Variants in DMBT1 observed in about 807,000 individuals in gnomAD.
DMBT1 encodes the protein deleted in malignant brain tumors 1, also known as scavenger receptor cysteine-rich domain-containing protein DMBT1.
Under a neutral mutation model 252.9 loss-of-function variants are expected in DMBT1, and 198 were observed. That is an observed-to-expected ratio of 0.78 (90% CI 0.70 to 0.88). DMBT1 has a LOEUF of 0.88. Among genes scored for constraint, DMBT1 ranks in the 40% least tolerant of loss-of-function variants. DMBT1 has a pLI of 0.00. For synonymous variants in DMBT1, 990 were observed against 942.7 expected, an observed-to-expected ratio of 1.05 and a Z score of -0.92; for missense variants, 2,432 against 2,404.7, an observed-to-expected ratio of 1.01 and a Z score of -0.24.
At chr10:122,626,733 C>T (rs2098121689) in intron 46 of DMBT1, among the ~76,000 whole-genome samples, 1 of 152,174 alleles carries the variant, frequency 6.6e-6, no homozygotes, top group Non-Finnish European at 1.5e-5. Context: ...TTATTTTGTA[C>T]ACAACAAACT....
intron 54 of DMBT1, among the ~76,000 whole-genome samples, chr10:122,638,995 C>T (rs953437631): frequency 6.6e-6 from 1 of 152,232 alleles, no homozygotes; most frequent in Non-Finnish European, 1.5e-5. Flanking sequence ...AAGCCACTTG[C>T]CCAGAACCAT....
rs560224220 is a variant in DMBT1, at chr10:122,576,450, A to G, written c.335A>G (p.Gln112Arg). Residue 112 changes from glutamine to arginine, a missense_variant, in exon 7 of 56, where the codon CAG (glutamine) becomes CGG (arginine). Around this residue, in one of 3 missense-constraint regions of DMBT1, gnomAD observed 1,264 missense variants for 1,082.2 expected, o/e 1.17. Transcript: ENST00000338354. ...LRLVNGDGRC[Q>R]GRVEILYRGS... is the part of the protein sequence containing the mutation. ...CTGGTGAATGGAGATGGCAGGTGTCAGGGCCGAGTGGAGATCCTATACCGA... is the reference window on the plus strand; with the variant it reads ...CTGGTGAATGGAGATGGCAGGTGTCGGGGCCGAGTGGAGATCCTATACCGA... 1.3e-4 allele frequency: 211 copies of G among 1,613,722 alleles called. 4 individuals carry two copies. The South Asian group carries it at 2.2e-3, about 17-fold the overall frequency.
intron 54 of DMBT1, 55 bp downstream of exon 54, chr10:122,637,367 T>G: frequency 6.7e-7 from 1 of 1,498,818 alleles, no homozygotes; most frequent in Non-Finnish European, 9.0e-7. Context: ...CTTAGAGCGG[T>G]ATGTCCTGTG....
chr10:122,619,277 C>G (rs768609572), intron 41 of DMBT1, 31 bp from the exon 42 acceptor site: 1 of 1,613,880 alleles, frequency 6.2e-7, no homozygotes. Flanking sequence ...TATAGTGCAT[C>G]TGATCTGACC....
intron 42 of DMBT1, 115 bp from the exon 43 acceptor site, chr10:122,620,138 G>T: frequency 2.7e-6 from 3 of 1,106,932 alleles, no homozygotes; most frequent in South Asian, 1.3e-5. Flanking sequence ...TGGAGCAAGT[G>T]GCAGGAACCA....
chr10:122,567,491 C>T (rs1438337073), intron 2 of DMBT1, among the ~76,000 whole-genome samples: 1 of 152,058 alleles, frequency 6.6e-6, no homozygotes, highest in East Asian at 1.9e-4. Context: ...GCCTTTCCTC[C>T]CTCTGGGAGG....
At chr10:122,590,057 A>C (rs2097836026) in intron 17 of DMBT1, among the ~76,000 whole-genome samples, 1 of 148,366 alleles carries the variant, frequency 6.7e-6, no homozygotes, top group Non-Finnish European at 1.5e-5. Context: ...GGACGATCTC[A>C]CCGGGAGGAG....
In DMBT1 at chr10:122,579,774, C is replaced by T. The variant is rs777579475; in HGVS notation, c.876C>T (p.Gly292=). The change falls in exon 10 of 56, where the codon GGC becomes GGT. Residue 292 remains glycine (G), a synonymous_variant. Transcript: ENST00000338354. ...SAPGNAQFGQ[G]SGPIVLDDVR... is the part of the protein sequence containing the mutation. ...CAGGAAATGCCCAGTTTGGCCAGGG[C>T]TCAGGACCCATTGTCCTGGATGATG... The T allele has an allele frequency of 3.1e-6, 5 of 1,613,694 alleles. No homozygotes were observed. Among genetic ancestry groups the T allele is most frequent in the African/African-American group, 1.3e-5 (1 of 74,930 alleles).
At chr10:122,624,347 T>TA (rs2098098994) in intron 44 of DMBT1, among the ~76,000 whole-genome samples, 1 of 152,292 alleles carries the variant, frequency 6.6e-6, no homozygotes, top group Admixed American at 6.5e-5. Context: ...AAACAACCCT[T>TA]AAGTTGATGA....
chr10:122,599,580 C>A (rs190223500), intron 26 of DMBT1, among the ~76,000 whole-genome samples: 1 of 152,244 alleles, frequency 6.6e-6, no homozygotes, highest in South Asian at 2.1e-4. Flanking sequence ...GATTCTATCA[C>A]GCCTGGGTTG....
chr10:122,590,919 G>A (rs758693483), intron 18 of DMBT1, among the ~76,000 whole-genome samples: 3 of 148,140 alleles, frequency 2.0e-5, no homozygotes, highest in Non-Finnish European at 3.0e-5. Flanking sequence ...TCCTGGGAAG[G>A]CAATTTCAGC....
rs2097858824 is a variant in DMBT1, at chr10:122,592,653, A to C, written c.2500+58A>C. 3 of 1,582,384 alleles carry C rather than the reference A, an allele frequency of 1.9e-6. 1 individual carries two copies. The highest frequency in any genetic ancestry group is 1.2e-5 in the South Asian group (1 of 85,780). ...AGACTGGAGTTTGCTCAGGAAGAAA[A>C]TCCTAATTACATTCTGATCTCCTCA... On this transcript the variant is annotated intron_variant, in intron 20 of 55. Coordinates refer to ENST00000338354, the MANE Select transcript of DMBT1 (RefSeq NM_001377530.1).
Position 122,589,035 on chromosome 10 carries a change from C to T in DMBT1, c.1875C>T (p.Thr625=), listed in dbSNP as rs748907906. 1.6e-5 allele frequency: 26 copies of T among 1,588,570 alleles called. 2 individuals carry two copies. Among genetic ancestry groups the T allele is most frequent in the African/African-American group, 6.7e-5 (5 of 74,502 alleles). ...VEVLYRGSWG[T]VCDDSWDTND... The stretch of plus-strand genomic sequence containing the variant: ...TCCTATACCGAGGCTCTTGGGGCAC[C>T]GTGTGTGATGACAGCTGGGACACCA... The change falls in exon 17 of 56, where the codon ACC becomes ACT. Residue 625 remains threonine (T), a synonymous_variant. Coordinates refer to ENST00000338354, the MANE Select transcript of DMBT1 (RefSeq NM_001377530.1).
chr10:122,570,090 TGA>T, intron 2 of DMBT1, 70 bp from the exon 3 acceptor site: 1 of 1,369,596 alleles, frequency 7.3e-7, no homozygotes, highest in Non-Finnish European at 1.0e-6. Flanking sequence ...GCTTGAGAGC[TGA>T]GGAAGCCAGG....
At chr10:122,575,871 T>C (rs1312329965) in intron 6 of DMBT1, among the ~76,000 whole-genome samples, 2 of 152,082 alleles carry the variant, frequency 1.3e-5, no homozygotes, top group African/African-American at 4.8e-5. Context: ...GTGGGATCAG[T>C]CTCCAGTCCA....
intron 42 of DMBT1, 78 bp downstream of exon 42, chr10:122,619,415 C>A (rs935635080): frequency 4.6e-5 from 73 of 1,584,712 alleles, no homozygotes; most frequent in Non-Finnish European, 5.9e-5. Context: ...ACAGAGCTCT[C>A]CTGCTTTTCT....
chr10:122,569,256 T>A (rs1184057782), intron 2 of DMBT1, among the ~76,000 whole-genome samples: 1 of 152,164 alleles, frequency 6.6e-6, no homozygotes, highest in Non-Finnish European at 1.5e-5. Context: ...CAGTTTCTCC[T>A]CCTTTAAAAG....
intron 42 of DMBT1, 71 bp downstream of exon 42, chr10:122,619,408 G>A: frequency 6.3e-7 from 1 of 1,593,546 alleles, no homozygotes; most frequent in Non-Finnish European, 8.6e-7. Context: ...CCACTCCACA[G>A]AGCTCTCCTG....
At chr10:122,624,485 T>C (rs2133649177) in intron 44 of DMBT1, among the ~76,000 whole-genome samples, 1 of 152,328 alleles carries the variant, frequency 6.6e-6, no homozygotes, top group Middle Eastern at 3.4e-3. Flanking sequence ...CCTCAGATCC[T>C]CTTCCTTTAG....
Sources: gnomAD v4.1 joint callset for allele counts (sites outside exome capture counted in the v4.1 genomes callset) on GRCh38, gnomAD v4.1.1 for gene constraint, gnomAD v4.1.1 regional missense constraint, MANE v1.5 for transcripts, NCBI Gene and HGNC (gene_info 2026-07-23, HGNC 2026-07-21) for gene names.